Variants in DDX31 observed in about 807,000 individuals in gnomAD.
DDX31 encodes the protein DEAD-box helicase 31, also known as ATP-dependent DNA helicase DDX31.
DDX31 carries 70 observed loss-of-function variants against 91.3 expected under a neutral mutation model. That is an observed-to-expected ratio of 0.77 (90% CI 0.63 to 0.94). The LOEUF is 0.94. Ranked by LOEUF, DDX31 falls within the 40% of genes least tolerant of loss-of-function variation. The pLI is 0.00. For synonymous variants in DDX31, 362 were observed against 350.6 expected (o/e 1.03, Z -0.36); for missense variants, 902 against 925.0 (o/e 0.98, Z 0.32).
In DDX31 at chr9:132,595,079, G is replaced by A. The variant is rs1332969493; in HGVS notation, c.2028C>T (p.His676=). Residue 676 remains histidine, a synonymous_variant, in exon 20 of 20, where the codon CAC becomes CAT. Transcript: ENST00000372159. The surrounding 1 kb of genome is among the most constrained non-coding windows in gnomAD (Gnocchi z 4.6). ...CCGAACGTAGGATTTCAGCGAGGCT[G>A]TGTTTACTCTGGGTCTTCTTATGAA... ...PDLHKKTQSK[H]SLAEILRSEY... 4.3e-6 allele frequency: 7 copies of A among 1,614,244 alleles called. No homozygotes were observed. The Admixed American group carries it at 1.0e-4, about 23-fold the overall frequency.
Position 132,594,087 on chromosome 9 carries a change from C to T in DDX31, c.*779G>A, listed in dbSNP as rs1359990710. ...GGGTCACAATACAAAGACCCCCAGACCTTTCTTGAAGACAAGACAGGATTC... is the reference window on the plus strand; with the variant it reads ...GGGTCACAATACAAAGACCCCCAGATCTTTCTTGAAGACAAGACAGGATTC... On this transcript the variant is annotated 3_prime_UTR_variant, in exon 20 of 20. Coordinates refer to ENST00000372159, the MANE Select transcript of DDX31 (RefSeq NM_022779.9). 1 of 152,110 alleles carries T rather than the reference C, an allele frequency of 6.6e-6. No individual in the cohort carries two copies. The highest frequency in any genetic ancestry group is 1.5e-5 in the Non-Finnish European group (1 of 68,016). 9.4% of individuals were successfully genotyped at this position (152,110 alleles called of 1,614,324 possible). A position where few individuals can be genotyped will look rare whatever the true frequency, so the allele number is the denominator to read the frequency against.
chr9:132,612,333 T>C (rs1831397211), intron 18 of DDX31, 78 bp from the exon 19 acceptor site: 5 of 1,536,526 alleles, frequency 3.3e-6, no homozygotes, highest in Non-Finnish European at 4.5e-6. Context: ...CTAATGGTTA[T>C]CTTCTGTACT....
chr9:132,623,557 AAAAAAAAAAAAG>A (rs1360905860), intron 17 of DDX31, among the ~76,000 whole-genome samples: 3 of 150,896 alleles, frequency 2.0e-5, no homozygotes, highest in Admixed American at 6.6e-5. Flanking sequence ...ATCTCAAAAA[AAAAAAAAAAAAG>A]AAAAAAAAAA....
intron 16 of DDX31, 89 bp from the exon 17 acceptor site, chr9:132,625,834 T>C: frequency 1.1e-6 from 1 of 904,834 alleles, no homozygotes; most frequent in Admixed American, 2.3e-5. Flanking sequence ...ATTCTTGAGC[T>C]AATTAGACAT....
chr9:132,637,386 C>A (rs1833185200), intron 14 of DDX31, among the ~76,000 whole-genome samples: 1 of 152,370 alleles, frequency 6.6e-6, no homozygotes, highest in Non-Finnish European at 1.5e-5. Flanking sequence ...CTTGAAGGCC[C>A]TGGGCCTGAC....
intron 16 of DDX31, 81 bp downstream of exon 16, chr9:132,630,183 A>T: frequency 6.9e-7 from 1 of 1,447,370 alleles, no homozygotes; most frequent in Non-Finnish European, 9.3e-7. Flanking sequence ...TCGTCAGCTT[A>T]CAAGGCCCAT....
At chr9:132,641,307 G>T (rs1181964327) in intron 14 of DDX31, among the ~76,000 whole-genome samples, 1 of 152,202 alleles carries the variant, frequency 6.6e-6, no homozygotes, top group East Asian at 1.9e-4. Flanking sequence ...TTTCATTACT[G>T]TGTATATAGG....
At chr9:132,640,168 T>C (rs1022149708) in intron 14 of DDX31, among the ~76,000 whole-genome samples, 4 of 152,196 alleles carry the variant, frequency 2.6e-5, no homozygotes, top group African/African-American at 9.7e-5. Context: ...GGGATGATCA[T>C]TACAGTGAAG....
intron 1 of DDX31, among the ~76,000 whole-genome samples, chr9:132,664,816 G>C (rs747808962): frequency 6.6e-6 from 1 of 151,222 alleles, no homozygotes; most frequent in Admixed American, 6.6e-5. Flanking sequence ...TCTGCCACTC[G>C]GGTCTTCCTT....
At chr9:132,597,157 G>A (rs1387091560) in intron 19 of DDX31, among the ~76,000 whole-genome samples, 1 of 152,204 alleles carries the variant, frequency 6.6e-6, no homozygotes, top group Non-Finnish European at 1.5e-5. Flanking sequence ...TGACAGCTGG[G>A]CTGGGGCTCT....
rs1830286735 is a variant in DDX31, at chr9:132,593,306, C to T, written c.*1560G>A. On this transcript the variant is annotated 3_prime_UTR_variant, in exon 20 of 20. Coordinates refer to ENST00000372159, the MANE Select transcript of DDX31 (RefSeq NM_022779.9). ...TACTGGGGGAGAAAAAGTAAGGTTT[C>T]TCTTTGATCATCCCCAATCACTGGC... 1 of 152,192 alleles carries T rather than the reference C, an allele frequency of 6.6e-6. No homozygotes were observed. The allele number at this position is 152,192 out of a possible 1,614,324, so 9.4% of individuals were successfully genotyped here.
intron 14 of DDX31, chr9:132,638,094 C>G (rs1019621106): frequency 7.7e-7 from 1 of 1,301,194 alleles, no homozygotes; most frequent in Non-Finnish European, 9.8e-7. Context: ...ATGCACGCGC[C>G]GGACAGCCAA....
chr9:132,648,359 T>A, intron 10 of DDX31, 64 bp from the exon 11 acceptor site: 1 of 1,605,402 alleles, frequency 6.2e-7, no homozygotes, highest in Non-Finnish European at 8.5e-7. Context: ...TCTAAGGGGC[T>A]ACAGAAGTTG....
At chr9:132,600,206 CTCTT>C (rs1217816845) in intron 19 of DDX31, among the ~76,000 whole-genome samples, 1 of 152,256 alleles carries the variant, frequency 6.6e-6, no homozygotes, top group African/African-American at 2.4e-5. Flanking sequence ...TGTATCTAGA[CTCTT>C]TCAACCTCTG....
intron 19 of DDX31, among the ~76,000 whole-genome samples, chr9:132,611,737 C>A (rs966183436): frequency 4.6e-5 from 7 of 152,080 alleles, no homozygotes; most frequent in Admixed American, 2.0e-4. Context: ...TGAGGCTGGG[C>A]ACTCAGCCCT....
intron 7 of DDX31, among the ~76,000 whole-genome samples, chr9:132,651,779 A>C (rs1834200832): frequency 6.6e-6 from 1 of 152,222 alleles, no homozygotes; most frequent in South Asian, 2.1e-4. Context: ...GTATTCATGA[A>C]GCATCCTCGA....
intron 19 of DDX31, among the ~76,000 whole-genome samples, chr9:132,598,809 T>C (rs1830576932): frequency 6.6e-6 from 1 of 152,272 alleles, no homozygotes; most frequent in Non-Finnish European, 1.5e-5. Flanking sequence ...AAAGTCTTCA[T>C]TCTAGGATTT....
chr9:132,612,021 T>G lies in DDX31; in HGVS notation c.1994+66A>C. The G allele has an allele frequency of 2.6e-6, 4 of 1,557,298 alleles. No individual in the cohort carries two copies. In the South Asian group the frequency reaches 4.9e-5, roughly 19 times the overall value. On this transcript the variant is annotated intron_variant, in intron 19 of 19. Transcript: ENST00000372159. ...AGAGAGTTGCGGTGAGCATGGCAGC[T>G]AGCACATCACATCATGTGAACGGAG...
intron 3 of DDX31, 98 bp downstream of exon 3, chr9:132,662,161 ACT>A (rs1681771119): frequency 2.6e-6 from 3 of 1,160,052 alleles, no homozygotes; most frequent in Admixed American, 2.1e-5. Flanking sequence ...AGAAACAAAC[ACT>A]CTCTGATCTC....
Sources: allele counts gnomAD v4.1 joint callset (sites outside exome capture counted in the v4.1 genomes callset), GRCh38; gene constraint gnomAD v4.1.1; non-coding constraint Gnocchi (gnomAD v3.1); transcripts MANE v1.5; gene names NCBI Gene and HGNC (gene_info 2026-07-23, HGNC 2026-07-21).